LRRC37A2: variants seen among roughly 807,000 people sequenced by gnomAD.
LRRC37A2 encodes leucine-rich repeat-containing protein 37A2.
In LRRC37A2, 9 loss-of-function variants were observed where a neutral mutation model predicts 68.8. The ratio of observed to expected loss-of-function variants is 0.13; its 90% confidence interval spans 0.08 to 0.23. The LOEUF (loss-of-function observed/expected upper bound fraction) is 0.23, where lower values mean the gene tolerates loss of function less well. LRRC37A2 is among the 10% of genes least tolerant of loss of function. The pLI is 1.00. For synonymous variants in LRRC37A2, 63 were observed against 367.6 expected (o/e 0.17, Z 9.48); for missense variants, 168 against 950.4 (o/e 0.18, Z 10.82).
the LRRC37A2 span, among the ~76,000 whole-genome samples, chr17:46,848,941 C>A: frequency 6.6e-6 from 1 of 152,156 alleles, no homozygotes; most frequent in Admixed American, 6.5e-5. Context: ...TGCACACACA[C>A]ACACACACAG....
chr17:46,914,001 C>T, the LRRC37A2 span, among the ~76,000 whole-genome samples: 39 of 152,136 alleles, frequency 2.6e-4, no homozygotes, highest in Non-Finnish European at 3.8e-4. Context: ...TTGGGTGATC[C>T]GCTTGCCTCG....
the LRRC37A2 span, among the ~76,000 whole-genome samples, chr17:46,772,370 G>A: frequency 6.6e-6 from 1 of 152,252 alleles, no homozygotes; most frequent in African/African-American, 2.4e-5. Context: ...CGCTCCCAGA[G>A]CCGCTTTCCC....
At chr17:46,569,031 C>T in the LRRC37A2 span, among the ~76,000 whole-genome samples, 3 of 133,652 alleles carry the variant, frequency 2.2e-5, no homozygotes, top group African/African-American at 8.9e-5. Context: ...CAACCTCCGC[C>T]TCCTGGGTTC....
chr17:46,816,852 C>G, the LRRC37A2 span, among the ~76,000 whole-genome samples: 1 of 152,216 alleles, frequency 6.6e-6, no homozygotes, highest in Non-Finnish European at 1.5e-5. Flanking sequence ...ACGGCATGGC[C>G]TTGGCCCGGG....
At chr17:46,711,165 G>T in the LRRC37A2 span, 1 of 1,446,302 alleles carries the variant, frequency 6.9e-7, no homozygotes, top group Non-Finnish European at 9.1e-7. Flanking sequence ...AGGAAAAAAA[G>T]CAGCATTTTT....
the LRRC37A2 span, chr17:46,936,049 C>T: frequency 2.0e-6 from 2 of 985,670 alleles, no homozygotes; most frequent in Non-Finnish European, 2.4e-6. Flanking sequence ...CAGTCCCTGC[C>T]ATCTCTACGG....
chr17:47,017,178 C>T, the LRRC37A2 span: 2 of 1,609,518 alleles, frequency 1.2e-6, no homozygotes, highest in South Asian at 2.2e-5. Context: ...GCACGAGTGT[C>T]TCGGAGCTGC....
At chr17:46,710,077 A>G in the LRRC37A2 span, among the ~76,000 whole-genome samples, 319 of 152,352 alleles carry the variant, frequency 2.1e-3, no homozygotes, top group African/African-American at 7.5e-3. Flanking sequence ...TATTAAAACT[A>G]TTCCATACAT....
chr17:46,879,131 A>C, the LRRC37A2 span, among the ~76,000 whole-genome samples: 1 of 152,232 alleles, frequency 6.6e-6, no homozygotes, highest in Non-Finnish European at 1.5e-5. Flanking sequence ...TATATAGCTA[A>C]GATATATGAG....
the LRRC37A2 span, among the ~76,000 whole-genome samples, chr17:46,891,468 A>G: frequency 6.6e-6 from 1 of 152,090 alleles, no homozygotes; most frequent in Non-Finnish European, 1.5e-5. Context: ...TCTTTGATGG[A>G]TGGTCTGCAT....
the LRRC37A2 span, among the ~76,000 whole-genome samples, chr17:46,714,264 GTTA>G: frequency 6.6e-6 from 1 of 152,150 alleles, no homozygotes; most frequent in South Asian, 2.1e-4. Flanking sequence ...GATTAAAAGA[GTTA>G]TAGTTGAAAG....
the LRRC37A2 span, among the ~76,000 whole-genome samples, chr17:46,808,158 A>G: frequency 3.9e-5 from 6 of 152,322 alleles, no homozygotes; most frequent in African/African-American, 1.4e-4. Context: ...GAGGAAACTG[A>G]GGCCCGGGAG....
the LRRC37A2 span, chr17:47,028,421 T>C: frequency 9.4e-7 from 1 of 1,059,294 alleles, no homozygotes; most frequent in Non-Finnish European, 1.5e-6. Flanking sequence ...ACTCATACAA[T>C]TATTGGGTAG....
chr17:46,708,747 G>A, the LRRC37A2 span, among the ~76,000 whole-genome samples: 1 of 145,874 alleles, frequency 6.9e-6, no homozygotes, highest in East Asian at 2.0e-4. Flanking sequence ...ACCTACCTCA[G>A]CCTCCCAGTG....
chr17:46,929,726 C>T, the LRRC37A2 span: 1 of 647,500 alleles, frequency 1.5e-6, no homozygotes, highest in Non-Finnish European at 2.8e-6. Flanking sequence ...CAGAAAAACC[C>T]TATGGCAAAG....
At chr17:46,851,552 G>T in the LRRC37A2 span, 38 of 703,060 alleles carry the variant, frequency 5.4e-5, no homozygotes, top group African/African-American at 6.9e-4. This position sits in a 1 kb window ranked among gnomAD's most constrained non-coding sequence, Gnocchi z 4.3. Flanking sequence ...GCCCCACCCG[G>T]GTTTAAAGTC....
At chr17:46,801,238 G>A in the LRRC37A2 span, among the ~76,000 whole-genome samples, 552 of 152,302 alleles carry the variant, frequency 3.6e-3, 2 homozygotes, top group African/African-American at 0.013. Flanking sequence ...GGAGAGGAGC[G>A]GGTGCAGGGC....
the LRRC37A2 span, among the ~76,000 whole-genome samples, chr17:46,846,823 G>C: frequency 6.6e-6 from 1 of 152,198 alleles, no homozygotes; most frequent in African/African-American, 2.4e-5. Context: ...AGAAGGCCTC[G>C]AACTGGAAGT....
At chr17:47,001,026 C>G in the LRRC37A2 span, among the ~76,000 whole-genome samples, 33 of 152,086 alleles carry the variant, frequency 2.2e-4, no homozygotes, top group African/African-American at 7.5e-4. Flanking sequence ...ATCCCAGTTA[C>G]TTGGGAGACT....
Sources: allele counts gnomAD v4.1 joint callset (sites outside exome capture counted in the v4.1 genomes callset), GRCh38; gene constraint gnomAD v4.1.1; non-coding constraint Gnocchi (gnomAD v3.1); transcripts MANE v1.5; gene names NCBI Gene and HGNC (gene_info 2026-07-23, HGNC 2026-07-21).